The following TRIP12 variants were observed in gnomAD, a reference collection of about 807,000 sequenced individuals.
TRIP12 encodes thyroid hormone receptor interactor 12, also known as E3 ubiquitin-protein ligase TRIP12.
In TRIP12, 25 loss-of-function variants were observed where a neutral mutation model predicts 244.2. That is an observed-to-expected ratio of 0.10 (90% confidence interval 0.07 to 0.14). TRIP12 has a LOEUF of 0.14. TRIP12 is among the 10% of genes least tolerant of loss of function. The probability of loss-of-function intolerance (pLI) is 1.00; values close to 1 mark genes in which losing one functional copy is unlikely to be tolerated. For missense variants in TRIP12, 1,677 were observed against 2,486.4 expected (o/e 0.67, Z 6.92); for synonymous variants, 905 against 873.1 (o/e 1.04, Z -0.64).
rs2046376769 is a variant in TRIP12 at position 229,808,232 on chromosome 2, A to G, written c.2339+20T>C. 17 of 1,574,452 alleles carry G rather than the reference A, an allele frequency of 1.1e-5. No individual in the cohort carries two copies. The East Asian group carries it at 3.6e-4, about 33-fold the overall frequency. ...TCACCCGCCTTGGCCTCCCAAAGTG[A>G]TATTTAGCCCAATCTTTACCAAATC... On this transcript the variant is annotated intron_variant, in intron 16 of 41. Transcript: ENST00000675903.
intron 1 of TRIP12, among the ~76,000 whole-genome samples, chr2:229,918,891 T>C (rs913571321): frequency 2.0e-5 from 3 of 152,148 alleles, no homozygotes; most frequent in African/African-American, 4.8e-5. Flanking sequence ...ATTACATCTG[T>C]TGGGTCTCAC....
At chr2:229,795,544 T>G (rs2042596401) in intron 25 of TRIP12, among the ~76,000 whole-genome samples, 1 of 152,166 alleles carries the variant, frequency 6.6e-6, no homozygotes, top group Non-Finnish European at 1.5e-5. Flanking sequence ...ATTCACAATC[T>G]CTACATCCAA....
At position 229,808,244 on chromosome 2, in the gene TRIP12, A is replaced by G. The variant is rs773559658; in HGVS notation, c.2339+8T>C. On this transcript the variant is annotated splice_region_variant and intron_variant, in intron 16 of 41. Transcript: ENST00000675903. ...GCCTCCCAAAGTGATATTTAGCCCA[A>G]TCTTTACCAAATCAGAGATGTCAGT... The G allele has an allele frequency of 8.1e-6, 13 of 1,604,304 alleles. No individual in the cohort carries two copies. Among genetic ancestry groups the G allele is most frequent in the African/African-American group, 1.3e-5 (1 of 74,836 alleles).
intron 8 of TRIP12, among the ~76,000 whole-genome samples, 193 bp downstream of exon 8, chr2:229,829,000 A>G (rs1002666513): frequency 6.6e-6 from 1 of 152,214 alleles, no homozygotes; most frequent in African/African-American, 2.4e-5. Context: ...TTCAAACAGA[A>G]TCAATCTCGC....
At chr2:229,848,689 G>C (rs2058071379) in intron 4 of TRIP12, among the ~76,000 whole-genome samples, 1 of 152,194 alleles carries the variant, frequency 6.6e-6, no homozygotes, top group Admixed American at 6.5e-5. Flanking sequence ...TTTTAGAGCT[G>C]TAAGTCCTGA....
At chr2:229,800,644 C>A (rs2154267757) in intron 21 of TRIP12, among the ~76,000 whole-genome samples, 1 of 152,190 alleles carries the variant, frequency 6.6e-6, no homozygotes, top group African/African-American at 2.4e-5. Context: ...AATATGGAAC[C>A]ACTTAAAACT....
intron 1 of TRIP12, among the ~76,000 whole-genome samples, chr2:229,885,950 C>T (rs2065922956): frequency 2.0e-5 from 3 of 152,046 alleles, no homozygotes; most frequent in Non-Finnish European, 2.9e-5. Flanking sequence ...GCATATAAGG[C>T]TCTCAGAACC....
At chr2:229,922,721 C>T (rs2076780385), upstream of TRIP12, 1 of 1,091,358 alleles carries the variant, frequency 9.2e-7, no homozygotes, top group Non-Finnish European at 1.3e-6. Flanking sequence ...CGGAAGCGCC[C>T]AGTCCCGGCT....
intron 1 of TRIP12, among the ~76,000 whole-genome samples, chr2:229,884,821 A>C (rs1282079181): frequency 6.6e-6 from 1 of 152,126 alleles, no homozygotes; most frequent in Non-Finnish European, 1.5e-5. Context: ...AAACTTAAAA[A>C]TTAGCCAGGC....
At chr2:229,828,325 C>T (rs1479439674) in intron 8 of TRIP12, among the ~76,000 whole-genome samples, 1 of 150,604 alleles carries the variant, frequency 6.6e-6, no homozygotes, top group East Asian at 1.9e-4. Flanking sequence ...CTTAGGGACC[C>T]CCTGCAACAG....
intron 39 of TRIP12, among the ~76,000 whole-genome samples, chr2:229,771,308 G>A (rs1038270134): frequency 1.3e-5 from 2 of 152,182 alleles, no homozygotes; most frequent in African/African-American, 4.8e-5. Context: ...ACTGTCACGC[G>A]TGGAACCCGC....
chr2:229,814,949 C>A, intron 11 of TRIP12, 150 bp downstream of exon 11: 1 of 586,118 alleles, frequency 1.7e-6, no homozygotes, highest in Non-Finnish European at 3.0e-6. Flanking sequence ...AATGATTTAT[C>A]TTCACCTTCA....
In TRIP12 at chr2:229,792,167, T is replaced by C. The variant is rs1559431651; in HGVS notation, c.4201A>G (p.Ile1401Val). ...TAGTACCTTACCAGAGACTCATCTA[T>C]TTCCTCATCTGATCCATCGTCATCG... ...DSDDDGSDEE[I>V]DESLAAQFLN... Residue 1401 changes from isoleucine (I) to valine (V), a missense_variant, in exon 28 of 42, where the codon ATA becomes GTA. Ile to Val is a conservative substitution (Grantham distance 29, BLOSUM62 3). This residue lies in a region of TRIP12 where 265 missense variants were observed against 370.8 expected (regional missense o/e 0.71). Coordinates refer to ENST00000675903, the MANE Select transcript of TRIP12 (RefSeq NM_001348323.3). 2 of 1,614,064 alleles carry C rather than the reference T, an allele frequency of 1.2e-6. No individual in the cohort carries two copies. Among genetic ancestry groups the C allele is most frequent in the Admixed American group, 3.3e-5 (2 of 60,024 alleles).
chr2:229,846,976 T>C (rs1236953510), intron 4 of TRIP12, among the ~76,000 whole-genome samples: 1 of 152,234 alleles, frequency 6.6e-6, no homozygotes, highest in African/African-American at 2.4e-5. Flanking sequence ...GTATGGTAAT[T>C]AAAGTTGCAA....
intron 1 of TRIP12, among the ~76,000 whole-genome samples, chr2:229,906,589 G>A (rs1375593568): frequency 4.6e-5 from 7 of 150,628 alleles, no homozygotes; most frequent in South Asian, 2.1e-4. Flanking sequence ...GCATGGTGGC[G>A]GGCACCTGTA....
intron 21 of TRIP12, 47 bp from the exon 22 acceptor site, chr2:229,799,430 T>C (rs1408385739): frequency 6.5e-7 from 1 of 1,528,862 alleles, no homozygotes; most frequent in Non-Finnish European, 9.1e-7. Context: ...ACCACTGTTT[T>C]ATATCTTCAC....
At chr2:229,907,781 C>A (rs1355921086) in intron 1 of TRIP12, among the ~76,000 whole-genome samples, 1 of 2,232 alleles carries the variant, frequency 4.5e-4, no homozygotes, top group East Asian at 0.056. Flanking sequence ...CCAGTCTAAA[C>A]AACAGAGAGA....
At chr2:229,900,827 A>C (rs1375939546) in intron 1 of TRIP12, 1 of 150,746 alleles carries the variant, frequency 6.6e-6, no homozygotes, top group Non-Finnish European at 1.5e-5. Context: ...GCGCCACTGC[A>C]CTCCAGCCTG....
rs565601398 is a variant in TRIP12, at chr2:229,818,618, A to G, written c.1451-106T>C. 23 of 1,046,600 alleles carry G rather than the reference A, an allele frequency of 2.2e-5. No individual in the cohort carries two copies. The East Asian group carries it at 5.7e-4, about 26-fold the overall frequency. The allele number at this position is 1,046,600 out of a possible 1,614,324, so 64.8% of individuals were successfully genotyped here. A position where few individuals can be genotyped will look rare whatever the true frequency, so the allele number is the denominator to read the frequency against. On this transcript the variant is annotated intron_variant, in intron 8 of 41. Transcript: ENST00000675903. ...TGGTTGCTTATCTTCTTTGCATCCT[A>G]ATGAAAGACTAGGTCTATACCAGGG... is the stretch of plus-strand genomic sequence containing the variant.
Sources: gnomAD v4.1 joint callset for allele counts (sites outside exome capture counted in the v4.1 genomes callset) on GRCh38, gnomAD v4.1.1 for gene constraint, gnomAD v4.1.1 regional missense constraint, MANE v1.5 for transcripts, NCBI Gene and HGNC (gene_info 2026-07-23, HGNC 2026-07-21) for gene names.